HSF1: variants seen among roughly 807,000 people sequenced by gnomAD.
HSF1 encodes heat shock transcription factor 1.
Under a neutral mutation model 51.7 loss-of-function variants are expected in HSF1, and 32 were observed. The observed-to-expected ratio is 0.62, with a 90% CI of 0.47 to 0.83. The LOEUF (loss-of-function observed/expected upper bound fraction) is 0.83. HSF1 is among the 40% of genes least tolerant of loss of function. The pLI is 0.00. For missense variants in HSF1, 727 were observed against 717.0 expected (o/e 1.01, Z -0.16); for synonymous variants, 396 against 309.7 (o/e 1.28, Z -2.92).
chr8:144,313,870 C>A lies in HSF1; in HGVS notation c.1273C>A (p.Pro425Thr). 6.2e-7 allele frequency: 1 copy of A among 1,605,984 alleles called. No homozygotes were observed. The highest frequency in any genetic ancestry group is 2.2e-5 in the East Asian group (1 of 44,658). Residue 425 changes from proline (P) to threonine (T), a missense_variant, in exon 11 of 13, where the codon CCC (proline) becomes ACC (threonine). This residue lies in a region of HSF1 where 470 missense variants were observed against 398.8 expected (regional missense o/e 1.18). Transcript: ENST00000528838. ...GCTGTTCAGCCCCTCGGTGACCGTG[C>A]CCGACATGAGCCTGCCTGACCTTGA... is the stretch of plus-strand genomic sequence containing the variant. ...LDLFSPSVTVPDMSLPDLDSS... is the reference protein window; with the variant it reads ...LDLFSPSVTVTDMSLPDLDSS...
At chr8:144,311,867 C>T (rs560828058) in intron 8 of HSF1, 31 bp downstream of exon 8, 69 of 1,589,484 alleles carry the variant, frequency 4.3e-5, no homozygotes, top group Non-Finnish European at 5.8e-5. Context: ...GCCATCCTGT[C>T]CCCCAATGAG....
chr8:144,314,028 A>G lies in HSF1; in HGVS notation c.1358A>G (p.Glu453Gly). The change falls in exon 12 of 13, where the codon GAG becomes GGG. Residue 453 changes from glutamate to glycine, a missense_variant. Physicochemically the swap from Glu to Gly is moderately conservative, Grantham distance 98. Coordinates refer to ENST00000528838, the MANE Select transcript of HSF1 (RefSeq NM_005526.4). ...CCCCAGGAGCCCCCCAGGCCTCCCG[A>G]GGCAGAGAACAGCAGCCCGGATTCA... ...LSPQEPPRPP[E>G]AENSSPDSGK... is the part of the protein sequence containing the mutation. 1.2e-6 allele frequency: 2 copies of G among 1,603,404 alleles called. No individual in the cohort carries two copies. Among genetic ancestry groups the G allele is most frequent in the Non-Finnish European group, 1.7e-6 (2 of 1,177,500 alleles).
At chr8:144,312,457 C>T (rs1195373737) in intron 9 of HSF1, among the ~76,000 whole-genome samples, 1 of 152,112 alleles carries the variant, frequency 6.6e-6, no homozygotes, top group Non-Finnish European at 1.5e-5. Context: ...TCCGGACAGG[C>T]TGCCGGGCCC....
intron 1 of HSF1, among the ~76,000 whole-genome samples, chr8:144,303,872 TATAAAAA>T (rs1816051182): frequency 6.6e-6 from 1 of 152,026 alleles, no homozygotes; most frequent in Non-Finnish European, 1.5e-5. Context: ...CGAGACTCCA[TATAAAAA>T]ATAAAAAAAA....
Position 144,291,800 on chromosome 8 carries a change from G to T in HSF1, c.43G>T (p.Val15Phe). 1 of 1,535,672 alleles carries T rather than the reference G, an allele frequency of 6.5e-7. No individual in the cohort carries two copies. The highest frequency in any genetic ancestry group is 1.2e-5 in the South Asian group (1 of 84,490). Residue 15 changes from valine to phenylalanine, a missense_variant, in exon 1 of 13, where the codon GTC (valine) becomes TTC (phenylalanine). Transcript: ENST00000528838. This position sits in a 1 kb window ranked among gnomAD's most constrained non-coding sequence, Gnocchi z 4.1. The part of the protein sequence containing the change: ...VGPGAAGPSN[V>F]PAFLTKLWTL... The stretch of plus-strand genomic sequence containing the variant: ...CCCCGGCGCGGCGGGGCCCAGCAAC[G>T]TCCCGGCCTTCCTGACCAAGCTGTG...
At chr8:144,307,277 C>T (rs1266601190) in intron 1 of HSF1, among the ~76,000 whole-genome samples, 1 of 152,222 alleles carries the variant, frequency 6.6e-6, no homozygotes, top group African/African-American at 2.4e-5. Flanking sequence ...CAGAGACAGC[C>T]TTGGGAGTGG....
intron 9 of HSF1, chr8:144,312,655 G>A (rs1162036089): frequency 5.2e-6 from 8 of 1,535,272 alleles, no homozygotes; most frequent in East Asian, 2.4e-5. Context: ...AGATGTCTAG[G>A]GTCGCCCGCC....
chr8:144,296,919 T>C (rs1554841406), intron 1 of HSF1, among the ~76,000 whole-genome samples: 1 of 109,244 alleles, frequency 9.2e-6, no homozygotes, highest in Non-Finnish European at 1.9e-5. Flanking sequence ...CTGCCCCGGA[T>C]GGTGTGGTGG....
intron 1 of HSF1, among the ~76,000 whole-genome samples, chr8:144,302,323 A>G (rs1815943405): frequency 6.7e-6 from 1 of 150,228 alleles, no homozygotes; most frequent in Non-Finnish European, 1.5e-5. Context: ...CCTGGCCAAT[A>G]TGGTGAAACC....
chr8:144,302,950 G>T (rs908671094), intron 1 of HSF1, among the ~76,000 whole-genome samples: 10 of 152,212 alleles, frequency 6.6e-5, no homozygotes, highest in East Asian at 1.9e-4. Flanking sequence ...CACGAAAACC[G>T]CAGCGACAGC....
chr8:144,313,633 CG>C lies in HSF1; in HGVS notation c.1248+18del. 1 of 612,366 alleles carries C rather than the reference CG, an allele frequency of 1.6e-6. No individual in the cohort carries two copies. The highest frequency in any genetic ancestry group is 2.3e-6 in the Non-Finnish European group (1 of 425,686). The allele number at this position is 612,366 out of a possible 1,614,324, so 37.9% of individuals were successfully genotyped here. ...CTGCTGGACGTGAGTGGAGCCCCGC[CG>C]CCCCGCCTCCCCGCCCCGCCTCCCC... On this transcript the variant is annotated intron_variant, in intron 10 of 12. Transcript: ENST00000528838.
rs1554840420 is a variant in HSF1, at chr8:144,291,842, C to G, written c.85C>G (p.Pro29Ala). Residue 29 changes from proline (P) to alanine (A), a missense_variant, in exon 1 of 13, where the codon CCG (proline) becomes GCG (alanine). Pro to Ala is a conservative substitution (Grantham distance 27). Transcript: ENST00000528838. This position sits in a 1 kb window ranked among gnomAD's most constrained non-coding sequence, Gnocchi z 4.1. Reference sequence around the variant, plus strand: ...CAAGCTGTGGACCCTCGTGAGCGACCCGGACACCGACGCGCTCATCTGCTG... The same window carrying G: ...CAAGCTGTGGACCCTCGTGAGCGACGCGGACACCGACGCGCTCATCTGCTG... ...LTKLWTLVSD[P>A]DTDALICWSP... 1 of 1,550,820 alleles carries G rather than the reference C, an allele frequency of 6.4e-7. No homozygotes were observed. Among genetic ancestry groups the G allele is most frequent in the Non-Finnish European group, 8.7e-7 (1 of 1,153,758 alleles).
At chr8:144,314,089 CA>C in intron 12 of HSF1, 35 bp downstream of exon 12, 1 of 1,537,498 alleles carries the variant, frequency 6.5e-7, no homozygotes, top group Non-Finnish European at 8.8e-7. Flanking sequence ...CCTCTGCCCC[CA>C]ACCCCCCACC....
intron 1 of HSF1, among the ~76,000 whole-genome samples, chr8:144,303,400 T>A (rs1023101669): frequency 1.3e-5 from 2 of 151,900 alleles, no homozygotes; most frequent in African/African-American, 4.8e-5. Flanking sequence ...ATAAAATGAG[T>A]TTCCTCAGGG....
chr8:144,309,377 C>T, intron 2 of HSF1, 78 bp from the exon 3 acceptor site: 1 of 1,586,814 alleles, frequency 6.3e-7, no homozygotes, highest in Non-Finnish European at 8.6e-7. Flanking sequence ...CCGCAGCAGC[C>T]TCCTGGAGCA....
At chr8:144,313,279 A>T in intron 9 of HSF1, 1 of 532,070 alleles carries the variant, frequency 1.9e-6, no homozygotes, top group Non-Finnish European at 3.4e-6. Context: ...CAAGGCCCCC[A>T]GGCCCTCATG....
rs782014508 is a variant in HSF1 at position 144,314,255 on chromosome 8, C to T, written c.1515C>T (p.Gly505=). The T allele has an allele frequency of 2.6e-6, 4 of 1,550,638 alleles. No individual in the cohort carries two copies. The highest frequency in any genetic ancestry group is 1.2e-5 in the South Asian group (1 of 84,086). ...GEGSYFSEGD[G]FAEDPTISLL... ...GCTCCTACTTCTCCGAAGGGGACGG[C>T]TTCGCCGAGGACCCCACCATCTCCC... is the stretch of plus-strand genomic sequence containing the variant. The change falls in exon 13 of 13, where the codon GGC becomes GGT. Residue 505 remains glycine, a synonymous_variant. Transcript: ENST00000528838.
rs1554844362 is a variant in HSF1, at chr8:144,311,376, G to A, written c.620G>A (p.Arg207Lys). 3 of 1,614,014 alleles carry A rather than the reference G, an allele frequency of 1.9e-6. No homozygotes were observed. The highest frequency in any genetic ancestry group is 2.5e-6 in the Non-Finnish European group (3 of 1,180,010). Residue 207 changes from arginine to lysine, a missense_variant, in exon 6 of 13, where the codon AGA (arginine) becomes AAA (lysine). Arg to Lys is a conservative substitution (Grantham distance 26, BLOSUM62 2). Around this residue, in one of 2 missense-constraint regions of HSF1, gnomAD observed 257 missense variants for 318.3 expected, o/e 0.81. Transcript: ENST00000528838. The part of the protein sequence containing the change: ...VQSNRILGVK[R>K]KIPLMLNDSG... ...TCAAACCGGATCCTGGGGGTGAAGA[G>A]AAAGATGTGAGGTTTTGGGGATGCC... is the stretch of plus-strand genomic sequence containing the variant.
chr8:144,304,379 G>T (rs917287097), intron 1 of HSF1, among the ~76,000 whole-genome samples: 1 of 152,236 alleles, frequency 6.6e-6, no homozygotes, highest in Non-Finnish European at 1.5e-5. Flanking sequence ...CTTCCATGAA[G>T]TTCCTCACAT....
Sources: gnomAD v4.1 joint callset for allele counts (sites outside exome capture counted in the v4.1 genomes callset) on GRCh38, gnomAD v4.1.1 for gene constraint, gnomAD v4.1.1 regional missense constraint, Gnocchi (gnomAD v3.1) non-coding constraint, MANE v1.5 for transcripts, NCBI Gene and HGNC (gene_info 2026-07-23, HGNC 2026-07-21) for gene names.